Variants in TMC7 observed in about 807,000 individuals in gnomAD.
The protein encoded by TMC7 is transmembrane channel-like protein 7.
In TMC7, 54 loss-of-function variants were observed where a neutral mutation model predicts 82.9. The observed-to-expected ratio is 0.65, with a 90% CI of 0.52 to 0.82. The LOEUF (loss-of-function observed/expected upper bound fraction) is 0.82, where lower values mean the gene tolerates loss of function less well. TMC7 is among the 40% of genes least tolerant of loss of function. The pLI is 0.00. For missense variants in TMC7, 820 were observed against 901.2 expected (o/e 0.91, Z 1.15); for synonymous variants, 350 against 337.9 (o/e 1.04, Z -0.39).
At chr16:19,029,002 T>C (rs1048192059) in intron 5 of TMC7, among the ~76,000 whole-genome samples, 1 of 149,852 alleles carries the variant, frequency 6.7e-6, no homozygotes, top group African/African-American at 2.5e-5. Context: ...TATTTTATTT[T>C]ATTTATTTAT....
At chr16:19,030,159 A>T (rs1412744504) in intron 5 of TMC7, 65 bp from the exon 6 acceptor site, 36 of 1,529,022 alleles carry the variant, frequency 2.4e-5, no homozygotes, top group Non-Finnish European at 3.2e-5. Flanking sequence ...TGAGGCAGGG[A>T]CTACTCTTCT....
chr16:19,047,400 C>CTT (rs200750528), intron 12 of TMC7, 151 bp downstream of exon 12: 531 of 464,746 alleles, frequency 1.1e-3, no homozygotes, highest in East Asian at 1.5e-3. Flanking sequence ...AAAAATATTG[C>CTT]TTTTTTTTTT....
intron 7 of TMC7, among the ~76,000 whole-genome samples, chr16:19,037,538 A>G (rs1312510906): frequency 1.3e-5 from 2 of 148,770 alleles, no homozygotes; most frequent in African/African-American, 4.9e-5. Context: ...TGACGTGATC[A>G]TACATCACTG....
chr16:19,015,561 T>C (rs1162505961), intron 2 of TMC7, among the ~76,000 whole-genome samples: 1 of 151,234 alleles, frequency 6.6e-6, no homozygotes, highest in African/African-American at 2.4e-5. Context: ...CTACGAACAC[T>C]CAAGACAAGT....
intron 1 of TMC7, among the ~76,000 whole-genome samples, chr16:18,985,791 G>C (rs975950558): frequency 1.5e-4 from 23 of 148,974 alleles, no homozygotes; most frequent in African/African-American, 2.2e-4. Context: ...TTTCTAAACA[G>C]TGACCTGTTG....
At chr16:19,051,631 C>A in intron 12 of TMC7, 55 bp from the exon 13 acceptor site, 2 of 1,598,194 alleles carry the variant, frequency 1.3e-6, no homozygotes, top group East Asian at 2.2e-5. Context: ...ACTTATTTAT[C>A]TTCACAGAAG....
chr16:19,030,862 C>G (rs758185121), intron 6 of TMC7, among the ~76,000 whole-genome samples: 1 of 152,046 alleles, frequency 6.6e-6, no homozygotes, highest in Non-Finnish European at 1.5e-5. Flanking sequence ...TGTGAGCCAC[C>G]GCACCTAGCC....
rs541738226 is a variant in TMC7, at chr16:18,984,005, G to A, written c.-59G>A. On this transcript the variant is annotated 5_prime_UTR_variant, in exon 1 of 16. Transcript: ENST00000304381. ...CGCGAGGGAAGGCCGGGGAGGCGGC[G>A]GCGGCGGCGGCGGCTGGAGAGGGTC... 86 of 1,365,010 alleles carry A rather than the reference G, an allele frequency of 6.3e-5. 1 individual carries two copies. In the East Asian group the frequency reaches 2.5e-3, roughly 40 times the overall value. The allele number at this position is 1,365,010 out of a possible 1,614,324, so 84.6% of individuals were successfully genotyped here. A position where few individuals can be genotyped will look rare whatever the true frequency, so the allele number is the denominator to read the frequency against.
At chr16:19,038,692 T>C (rs1960870590) in intron 8 of TMC7, among the ~76,000 whole-genome samples, 1 of 151,914 alleles carries the variant, frequency 6.6e-6, no homozygotes, top group Non-Finnish European at 1.5e-5. Context: ...AATTTTTGTA[T>C]TTTTAGCAGA....
chr16:19,051,643 T>A, intron 12 of TMC7, 43 bp from the exon 13 acceptor site: 1 of 1,609,130 alleles, frequency 6.2e-7, no homozygotes, highest in Non-Finnish European at 8.5e-7. Flanking sequence ...TCACAGAAGC[T>A]GTACTTATTG....
intron 3 of TMC7, among the ~76,000 whole-genome samples, chr16:19,017,336 T>C (rs1364451699): frequency 6.7e-6 from 1 of 149,504 alleles, no homozygotes; most frequent in Non-Finnish European, 1.5e-5. Context: ...ATTAAATTAT[T>C]TAATAATTTA....
intron 12 of TMC7, among the ~76,000 whole-genome samples, chr16:19,048,832 A>G (rs1961401351): frequency 2.0e-5 from 3 of 152,170 alleles, no homozygotes; most frequent in South Asian, 4.1e-4. Context: ...AACAAGCCCA[A>G]CGTTTATTGA....
chr16:19,039,093 T>C (rs1466359416), intron 8 of TMC7, among the ~76,000 whole-genome samples: 2 of 59,328 alleles, frequency 3.4e-5, no homozygotes, highest in African/African-American at 1.4e-4. Context: ...TTCTTTTTTC[T>C]TTTTTTTTTT....
At chr16:19,000,995 A>G (rs985778850) in intron 1 of TMC7, among the ~76,000 whole-genome samples, 1 of 152,210 alleles carries the variant, frequency 6.6e-6, no homozygotes, top group African/African-American at 2.4e-5. Context: ...TGTGGGTGAC[A>G]GAGTGAGATC....
At chr16:19,037,804 A>C in intron 7 of TMC7, 70 bp from the exon 8 acceptor site, 2 of 1,473,998 alleles carry the variant, frequency 1.4e-6, no homozygotes, top group South Asian at 2.6e-5. Flanking sequence ...GGAGAGAATG[A>C]TGAATCAATT....
At position 18,985,004 on chromosome 16, in the gene TMC7, G is replaced by C. The variant is rs149188058; in HGVS notation, c.67+874G>C. On this transcript the variant is annotated intron_variant, in intron 1 of 15. Coordinates refer to ENST00000304381, the MANE Select transcript of TMC7 (RefSeq NM_024847.4). ...GGGCCGGGCGTGGTGGCTCACGCCTGTAATCCCAGCACTTTGGGAGGCTGA... is the reference window on the plus strand; with the variant it reads ...GGGCCGGGCGTGGTGGCTCACGCCTCTAATCCCAGCACTTTGGGAGGCTGA... 4.7e-3 allele frequency among the ~76,000 whole-genome samples: 715 copies of C among 152,328 alleles called. 7 individuals carry two copies. Among genetic ancestry groups the C allele is most frequent in the African/African-American group, 0.014 (600 of 41,582 alleles).
At chr16:19,022,910 C>T (rs2142213803) in intron 4 of TMC7, among the ~76,000 whole-genome samples, 1 of 152,222 alleles carries the variant, frequency 6.6e-6, no homozygotes, top group East Asian at 1.9e-4. Context: ...ATCCCAGCTA[C>T]TTGGGAGGTT....
intron 5 of TMC7, among the ~76,000 whole-genome samples, chr16:19,023,986 C>T (rs1187179860): frequency 6.6e-6 from 1 of 152,194 alleles, no homozygotes; most frequent in East Asian, 1.9e-4. Flanking sequence ...CATATACCTG[C>T]ATATCATGTA....
intron 13 of TMC7, among the ~76,000 whole-genome samples, chr16:19,055,560 G>A (rs1216402630): frequency 6.6e-6 from 1 of 152,054 alleles, no homozygotes; most frequent in Non-Finnish European, 1.5e-5. Context: ...GTTTCACCAC[G>A]TTGGCCAGGT....
Sources: gnomAD v4.1 joint callset for allele counts (sites outside exome capture counted in the v4.1 genomes callset) on GRCh38, gnomAD v4.1.1 for gene constraint, MANE v1.5 for transcripts, NCBI Gene and HGNC (gene_info 2026-07-23, HGNC 2026-07-21) for gene names.